CARS2: variants seen among roughly 807,000 people sequenced by gnomAD.
The protein encoded by CARS2 is probable cysteine--tRNA ligase, mitochondrial.
A neutral mutation model predicts 68.8 loss-of-function variants in CARS2; 52 were observed. That is an observed-to-expected ratio of 0.76 (90% CI 0.61 to 0.95). The LOEUF (loss-of-function observed/expected upper bound fraction) is 0.95, where lower values mean the gene tolerates loss of function less well. Ranked by LOEUF, CARS2 falls within the 40% of genes least tolerant of loss-of-function variation. The pLI, the probability that CARS2 is intolerant of heterozygous loss-of-function variation, is 0.00. For missense variants in CARS2, 780 were observed against 754.2 expected, an observed-to-expected ratio of 1.03 and a Z score of -0.40; for synonymous variants, 314 against 303.6, an observed-to-expected ratio of 1.03 and a Z score of -0.36.
intron 12 of CARS2, chr13:110,644,716 G>A: frequency 1.7e-6 from 1 of 594,046 alleles, no homozygotes. Flanking sequence ...TCATGTGGGT[G>A]GTGACTAGCT....
chr13:110,641,714 G>C (rs1361618198), intron 14 of CARS2, 106 bp from the exon 15 acceptor site: 1 of 906,356 alleles, frequency 1.1e-6, no homozygotes, highest in Admixed American at 1.8e-5. Flanking sequence ...TCACCGGCCT[G>C]TCCTAAAAAG....
intron 9 of CARS2, among the ~76,000 whole-genome samples, chr13:110,651,431 A>C (rs1429546726): frequency 6.6e-6 from 1 of 152,208 alleles, no homozygotes; most frequent in East Asian, 1.9e-4. Flanking sequence ...CGTGGGACAG[A>C]CAGCATGGAG....
intron 9 of CARS2, among the ~76,000 whole-genome samples, chr13:110,658,045 A>C (rs1254715342): frequency 6.6e-6 from 1 of 152,252 alleles, no homozygotes; most frequent in Non-Finnish European, 1.5e-5. Flanking sequence ...CAACACAATG[A>C]AACAGACAAA....
chr13:110,681,690 T>C (rs1224958655), intron 6 of CARS2, among the ~76,000 whole-genome samples: 1 of 152,194 alleles, frequency 6.6e-6, no homozygotes, highest in Non-Finnish European at 1.5e-5. Flanking sequence ...TGCCCTTCAG[T>C]AGGTGAGTGC....
intron 13 of CARS2, chr13:110,643,061 A>G (rs1374898577): frequency 6.5e-6 from 2 of 307,404 alleles, no homozygotes; most frequent in African/African-American, 2.2e-5. Flanking sequence ...CCATGTGTGT[A>G]AAATAAGAAA....
chr13:110,685,242 G>A (rs770773531), intron 5 of CARS2, among the ~76,000 whole-genome samples: 5 of 152,070 alleles, frequency 3.3e-5, no homozygotes, highest in Admixed American at 6.6e-5. Context: ...CCCGGGAGGC[G>A]GAGGTTGCTG....
At chr13:110,658,919 T>G (rs2139731010) in intron 9 of CARS2, among the ~76,000 whole-genome samples, 1 of 152,054 alleles carries the variant, frequency 6.6e-6, no homozygotes, top group Non-Finnish European at 1.5e-5. Context: ...ATAGTGAGAC[T>G]AACAAAAAAA....
intron 3 of CARS2, among the ~76,000 whole-genome samples, chr13:110,693,284 A>G (rs1355966332): frequency 1.3e-5 from 2 of 152,164 alleles, no homozygotes; most frequent in African/African-American, 4.8e-5. Flanking sequence ...CCTGGAGGAC[A>G]TGGCTCACAA....
chr13:110,650,160 T>G (rs1041724668), intron 10 of CARS2: 1 of 152,170 alleles, frequency 6.6e-6, no homozygotes, highest in African/African-American at 2.4e-5. Context: ...AGCAGTGGCA[T>G]GATCATGGCT....
intron 3 of CARS2, among the ~76,000 whole-genome samples, chr13:110,689,332 G>C (rs1045214759): frequency 6.6e-6 from 1 of 152,212 alleles, no homozygotes; most frequent in African/African-American, 2.4e-5. Context: ...CGGGAACCAA[G>C]TCTCCCCATT....
In CARS2 at chr13:110,653,475, C is replaced by T. The variant is rs1022283369; in HGVS notation, c.988-2375G>A. ...TCAGGTTGCGCCCTATTTAGGTCTC[C>T]GGGTTTCGGTGTGGAAACACCACTC... is the stretch of plus-strand genomic sequence containing the variant. On this transcript the variant is annotated intron_variant, in intron 9 of 14. Coordinates refer to ENST00000257347, the MANE Select transcript of CARS2 (RefSeq NM_024537.4). The surrounding 1 kb of genome is among the most constrained non-coding windows in gnomAD (Gnocchi z 5.6). Among the ~76,000 whole-genome samples, 1 of 152,196 alleles carries T rather than the reference C, an allele frequency of 6.6e-6. No individual in the cohort carries two copies. The highest frequency in any genetic ancestry group is 1.9e-4 in the East Asian group (1 of 5,192).
chr13:110,685,792 G>C (rs1196719542), intron 5 of CARS2, among the ~76,000 whole-genome samples: 1 of 152,050 alleles, frequency 6.6e-6, no homozygotes, highest in Non-Finnish European at 1.5e-5. Context: ...ATTTAGTTCG[G>C]ATTTATGGCG....
Position 110,668,386 on chromosome 13 carries a change from C to CA in CARS2, c.786-914dup, listed in dbSNP as rs1217041261. ...GTGAAACCCCGTCTCCACTAAAATACAAAAAATCAGCCGGGCGTGGTGGCG... is the reference window on the plus strand; with the variant it reads ...GTGAAACCCCGTCTCCACTAAAATACAAAAAAATCAGCCGGGCGTGGTGGCG... On this transcript the variant is annotated intron_variant, in intron 7 of 14. Coordinates refer to ENST00000257347, the MANE Select transcript of CARS2 (RefSeq NM_024537.4). This position sits in a 1 kb window ranked among gnomAD's most constrained non-coding sequence, Gnocchi z 4.1. Among the ~76,000 whole-genome samples the CA allele has an allele frequency of 6.6e-6, 1 of 151,790 alleles. No individual in the cohort carries two copies. The highest frequency in any genetic ancestry group is 2.4e-5 in the African/African-American group (1 of 41,310).
At chr13:110,666,465 G>A (rs1047635042) in intron 8 of CARS2, 42 of 985,200 alleles carry the variant, frequency 4.3e-5, no homozygotes, top group Non-Finnish European at 4.7e-5. Context: ...AATGGTAGGG[G>A]CAGAGCCGCC....
intron 6 of CARS2, among the ~76,000 whole-genome samples, chr13:110,682,315 C>T (rs1009135767): frequency 3.3e-5 from 5 of 152,236 alleles, no homozygotes; most frequent in Admixed American, 6.5e-5. Flanking sequence ...CTGGTAGCCA[C>T]GCCTCACACG....
chr13:110,694,367 G>T (rs12429133), intron 3 of CARS2, among the ~76,000 whole-genome samples: 27,924 of 150,822 alleles, frequency 0.19, 2,984 homozygotes, highest in Admixed American at 0.33. Context: ...GCTGGCCGTG[G>T]TAGCTCACGC....
At chr13:110,695,504 T>C (rs2063594245) in intron 3 of CARS2, among the ~76,000 whole-genome samples, 1 of 152,042 alleles carries the variant, frequency 6.6e-6, no homozygotes, top group Admixed American at 6.6e-5. Flanking sequence ...AACAAAAGCA[T>C]ATATATTCAG....
At chr13:110,660,096 A>G (rs1253902080) in intron 9 of CARS2, among the ~76,000 whole-genome samples, 1 of 152,234 alleles carries the variant, frequency 6.6e-6, no homozygotes, top group Admixed American at 6.5e-5. Context: ...CCAGGAGTAG[A>G]TTCCATCTCA....
intron 3 of CARS2, among the ~76,000 whole-genome samples, chr13:110,688,412 G>A (rs1294128635): frequency 6.6e-6 from 1 of 152,134 alleles, no homozygotes; most frequent in South Asian, 2.1e-4. Flanking sequence ...TCGTGCCACT[G>A]CAATCCCATC....
Sources: gnomAD v4.1 joint callset for allele counts (sites outside exome capture counted in the v4.1 genomes callset) on GRCh38, gnomAD v4.1.1 for gene constraint, Gnocchi (gnomAD v3.1) non-coding constraint, MANE v1.5 for transcripts, NCBI Gene and HGNC (gene_info 2026-07-23, HGNC 2026-07-21) for gene names.